Variants in ACVR1C observed in about 807,000 individuals in gnomAD.
ACVR1C encodes the protein activin receptor type-1C.
ACVR1C carries 23 observed loss-of-function variants against 57.9 expected under a neutral mutation model. The observed-to-expected ratio is 0.40, with a 90% CI of 0.29 to 0.56. The LOEUF (loss-of-function observed/expected upper bound fraction) is 0.56, where lower values mean the gene tolerates loss of function less well. Among genes scored for constraint, ACVR1C ranks in the 20% least tolerant of loss-of-function variants. ACVR1C has a pLI of 0.50. For missense variants in ACVR1C, 480 were observed against 607.9 expected (o/e 0.79, Z 2.21); for synonymous variants, 214 against 215.3 (o/e 0.99, Z 0.05).
chr2:157,599,864 C>G (rs538399259), intron 1 of ACVR1C, among the ~76,000 whole-genome samples: 4 of 152,212 alleles, frequency 2.6e-5, no homozygotes, highest in African/African-American at 9.6e-5. Flanking sequence ...CCACAGGATC[C>G]CTAATCCAGT....
At chr2:157,578,057 C>T (rs12614487) in intron 2 of ACVR1C, among the ~76,000 whole-genome samples, 16,915 of 151,924 alleles carry the variant, frequency 0.11, 1,178 homozygotes, top group East Asian at 0.26. Context: ...CACATGCCAC[C>T]GTGCCTGACT....
intron 1 of ACVR1C, among the ~76,000 whole-genome samples, chr2:157,616,391 A>T (rs984635764): frequency 1.3e-5 from 2 of 152,076 alleles, no homozygotes; most frequent in African/African-American, 4.8e-5. Context: ...CATATTTAGC[A>T]TTTCCTTTTG....
intron 2 of ACVR1C, among the ~76,000 whole-genome samples, chr2:157,564,776 T>A (rs1248135825): frequency 6.6e-6 from 1 of 152,160 alleles, no homozygotes; most frequent in Non-Finnish European, 1.5e-5. Flanking sequence ...TATGCAGCCA[T>A]AAGAAGGAAT....
At chr2:157,586,973 G>C (rs1688936991) in intron 2 of ACVR1C, among the ~76,000 whole-genome samples, 1 of 152,058 alleles carries the variant, frequency 6.6e-6, no homozygotes, top group Non-Finnish European at 1.5e-5. Flanking sequence ...CTTCAAAATT[G>C]TTACGTTATT....
intron 1 of ACVR1C, among the ~76,000 whole-genome samples, chr2:157,610,234 G>C (rs1240768755): frequency 1.3e-5 from 2 of 152,032 alleles, no homozygotes; most frequent in African/African-American, 2.4e-5. Context: ...ATTTCTTAGA[G>C]TGGTGATAAA....
chr2:157,628,361 C>T (rs1223289355), intron 1 of ACVR1C, among the ~76,000 whole-genome samples: 1 of 152,166 alleles, frequency 6.6e-6, no homozygotes, highest in African/African-American at 2.4e-5. Context: ...CGGCTTCGTC[C>T]CCAACACACC....
At chr2:157,559,813 A>C (rs1302711228) in intron 2 of ACVR1C, among the ~76,000 whole-genome samples, 1 of 152,120 alleles carries the variant, frequency 6.6e-6, no homozygotes, top group Non-Finnish European at 1.5e-5. Flanking sequence ...GCCCTACAAT[A>C]TGTTAAACTG....
At chr2:157,596,401 A>G (rs1490689061) in intron 1 of ACVR1C, among the ~76,000 whole-genome samples, 1 of 152,206 alleles carries the variant, frequency 6.6e-6, no homozygotes, top group African/African-American at 2.4e-5. Context: ...AGAAGGAAGT[A>G]AAATAAAATA....
intron 2 of ACVR1C, among the ~76,000 whole-genome samples, chr2:157,579,915 G>A (rs1172803334): frequency 6.6e-6 from 1 of 152,096 alleles, no homozygotes; most frequent in Non-Finnish European, 1.5e-5. Context: ...CCAGCTAATA[G>A]TGAGGTTAAA....
intron 2 of ACVR1C, among the ~76,000 whole-genome samples, chr2:157,572,538 A>G (rs924327825): frequency 6.6e-6 from 1 of 152,098 alleles, no homozygotes; most frequent in Non-Finnish European, 1.5e-5. Flanking sequence ...CGTAATAATC[A>G]CCTCAAAAAT....
chr2:157,550,734 C>CAA (rs61211065), intron 3 of ACVR1C, among the ~76,000 whole-genome samples: 1,658 of 138,570 alleles, frequency 0.012, 7 homozygotes, highest in Non-Finnish European at 0.017. Flanking sequence ...AGAGTAAAAG[C>CAA]AAAAAAAAAA....
chr2:157,538,706 GT>G lies in ACVR1C; in HGVS notation c.1226-4del. 6.8e-7 allele frequency: 1 copy of G among 1,464,550 alleles called. No individual in the cohort carries two copies. The highest frequency in any genetic ancestry group is 9.0e-7 in the Non-Finnish European group (1 of 1,107,322). 90.7% of individuals were successfully genotyped at this position (1,464,550 alleles called of 1,614,324 possible). A position where few individuals can be genotyped will look rare whatever the true frequency, so the allele number is the denominator to read the frequency against. ...CAATTGGTACTCCTCAACAATTCCT[GT>G]AAGAAATTTGTATAATAAATTTCCA... On this transcript the variant is annotated splice_polypyrimidine_tract_variant and splice_region_variant and intron_variant, in intron 7 of 8. Coordinates refer to ENST00000243349, the MANE Select transcript of ACVR1C (RefSeq NM_145259.3).
intron 2 of ACVR1C, among the ~76,000 whole-genome samples, chr2:157,562,275 C>T (rs971072429): frequency 7.1e-6 from 1 of 140,366 alleles, no homozygotes; most frequent in African/African-American, 2.7e-5. Context: ...AGCCTAATGA[C>T]AGAGCAAGAC....
chr2:157,587,895 G>A (rs1688966331), intron 1 of ACVR1C, among the ~76,000 whole-genome samples: 1 of 151,996 alleles, frequency 6.6e-6, no homozygotes, highest in Non-Finnish European at 1.5e-5. Context: ...TGTGCTAAAC[G>A]CAAAGCTAAC....
intron 1 of ACVR1C, among the ~76,000 whole-genome samples, chr2:157,592,180 T>A (rs532191337): frequency 2.0e-5 from 3 of 152,158 alleles, no homozygotes; most frequent in Non-Finnish European, 2.9e-5. Flanking sequence ...GTGCCTTGCA[T>A]CTAAAATAAA....
At chr2:157,559,851 C>T (rs1199517955) in intron 2 of ACVR1C, among the ~76,000 whole-genome samples, 1 of 146,142 alleles carries the variant, frequency 6.8e-6, no homozygotes, top group Non-Finnish European at 1.5e-5. Flanking sequence ...GAATTATTAA[C>T]AAGACAGCAG....
chr2:157,609,183 C>G (rs577222567), intron 1 of ACVR1C, among the ~76,000 whole-genome samples: 6 of 151,762 alleles, frequency 4.0e-5, no homozygotes, highest in Non-Finnish European at 7.4e-5. Context: ...TCACTGGTTT[C>G]AAGACTTTTT....
At chr2:157,597,535 G>A (rs1418434391) in intron 1 of ACVR1C, 40 of 985,300 alleles carry the variant, frequency 4.1e-5, no homozygotes, top group Non-Finnish European at 4.7e-5. Flanking sequence ...CGCGGGGCTC[G>A]GCCACCTGCC....
intron 3 of ACVR1C, among the ~76,000 whole-genome samples, chr2:157,554,197 A>AAGAGAG (rs755252966): frequency 2.4e-4 from 29 of 118,818 alleles, no homozygotes; most frequent in African/African-American, 9.0e-4. Context: ...AAAAATAAAG[A>AAGAGAG]AGAGAGAAAG....
Sources: gnomAD v4.1 joint callset for allele counts (sites outside exome capture counted in the v4.1 genomes callset) on GRCh38, gnomAD v4.1.1 for gene constraint, MANE v1.5 for transcripts, NCBI Gene and HGNC (gene_info 2026-07-23, HGNC 2026-07-21) for gene names.